CRYZ: variants seen among roughly 807,000 people sequenced by gnomAD.
CRYZ encodes zeta-crystallin.
In CRYZ, 35 loss-of-function variants were observed where a neutral mutation model predicts 34.1. The observed-to-expected ratio is 1.03, with a 90% CI of 0.78 to 1.36. The LOEUF (loss-of-function observed/expected upper bound fraction) is 1.36. Ranked by LOEUF, CRYZ falls within the 40% of genes most tolerant of loss-of-function variation. The pLI is 0.00. For synonymous variants in CRYZ, 137 were observed against 136.5 expected (o/e 1.00, Z -0.03); for missense variants, 403 against 391.8 (o/e 1.03, Z -0.24).
chr1:74,715,285 A>G (rs1222104143), intron 4 of CRYZ, among the ~76,000 whole-genome samples: 1 of 152,200 alleles, frequency 6.6e-6, no homozygotes, highest in Non-Finnish European at 1.5e-5. Context: ...CTTCCAGTTC[A>G]CATGACTACT....
chr1:74,723,013 T>C (rs762976712), intron 3 of CRYZ, 105 bp downstream of exon 3: 52 of 1,134,084 alleles, frequency 4.6e-5, no homozygotes, highest in Non-Finnish European at 6.6e-5. Context: ...AGAAATTGTG[T>C]AATGGGGCCT....
intron 3 of CRYZ, 27 bp from the exon 4 acceptor site, chr1:74,719,399 G>A (rs1260719117): frequency 6.3e-7 from 1 of 1,589,706 alleles, no homozygotes; most frequent in Non-Finnish European, 8.6e-7. Context: ...ATGAATAAAT[G>A]CAGGAAGACT....
rs957950902 is a variant in CRYZ at position 74,724,729 on chromosome 1, C to T, written c.93G>A (p.Pro31=). The change falls in exon 2 of 9, where the codon CCG becomes CCA. Residue 31 remains proline (P), a synonymous_variant. Transcript: ENST00000340866. ...TTTCTACCTGATGGTCTTTTGGAAT[C>T]GGTACTGCAATATCTGATCGCAATT... is the stretch of plus-strand genomic sequence containing the variant. ...VLKLRSDIAV[P]IPKDHQVLIK... is the part of the protein sequence containing the mutation. The T allele has an allele frequency of 1.9e-5, 31 of 1,606,774 alleles. No homozygotes were observed. The highest frequency in any genetic ancestry group is 2.7e-5 in the African/African-American group (2 of 74,590).
At chr1:74,716,254 T>C (rs146829413) in intron 4 of CRYZ, among the ~76,000 whole-genome samples, 27 of 152,046 alleles carry the variant, frequency 1.8e-4, no homozygotes, top group Admixed American at 1.6e-3. Flanking sequence ...GGAATTTATA[T>C]AGAGATAAAT....
chr1:74,719,413 C>T (rs1214068351), intron 3 of CRYZ, 41 bp from the exon 4 acceptor site: 3 of 1,550,772 alleles, frequency 1.9e-6, no homozygotes, highest in African/African-American at 2.7e-5. Flanking sequence ...GAAGACTAAA[C>T]ATATTATGTC....
intron 4 of CRYZ, among the ~76,000 whole-genome samples, chr1:74,714,997 C>A (rs1647052809): frequency 6.6e-6 from 1 of 152,112 alleles, no homozygotes; most frequent in Admixed American, 6.6e-5. Context: ...CAGAAAGGGC[C>A]TCAAAGCAGG....
In CRYZ at chr1:74,706,993, AC is replaced by A. The variant is rs767110333; in HGVS notation, c.733del (p.Val245LeufsTer10). 24 of 1,612,344 alleles carry A rather than the reference AC, an allele frequency of 1.5e-5. No homozygotes were observed. Among genetic ancestry groups the A allele is most frequent in the Non-Finnish European group, 2.0e-5 (24 of 1,178,950 alleles). ...SLLSHGGRVI[V>X]VGSRGTIEIN... ...TTCAATAGTACCTCTGCTGCCAACA[AC>A]CTAACATGAAAAACAGCAATTCTAC... On this transcript the variant is annotated frameshift_variant and splice_region_variant, in exon 8 of 9. Transcript: ENST00000340866. LOFTEE classifies it high-confidence loss of function.
At chr1:74,717,643 T>C (rs1647096201) in intron 4 of CRYZ, among the ~76,000 whole-genome samples, 1 of 152,206 alleles carries the variant, frequency 6.6e-6, no homozygotes, top group African/African-American at 2.4e-5. Flanking sequence ...TTATCTATGT[T>C]TCTCAAATCA....
intron 1 of CRYZ, chr1:74,730,449 A>T (rs1164742736): frequency 1.3e-5 from 2 of 152,218 alleles, no homozygotes; most frequent in Non-Finnish European, 2.9e-5. Context: ...CAAAGAATAA[A>T]ATAACGTGGC....
chr1:74,724,163 T>C (rs1424671), intron 2 of CRYZ, among the ~76,000 whole-genome samples: 59,842 of 152,040 alleles, frequency 0.39, 14,429 homozygotes, highest in Non-Finnish European at 0.55. Flanking sequence ...AGAAATAAAT[T>C]TGTAAAGATA....
At chr1:74,707,472 A>G in intron 6 of CRYZ, 1 of 227,644 alleles carries the variant, frequency 4.4e-6, no homozygotes, top group Non-Finnish European at 8.4e-6. Flanking sequence ...CAGGTGCTAG[A>G]CTCAACTTGA....
At chr1:74,713,029 C>T (rs13375787) in intron 5 of CRYZ, among the ~76,000 whole-genome samples, 19,420 of 151,896 alleles carry the variant, frequency 0.13, 2,513 homozygotes, top group East Asian at 0.64. Context: ...CAAAGGAATT[C>T]GAATTAAATG....
intron 3 of CRYZ, 65 bp from the exon 4 acceptor site, chr1:74,719,437 T>A: frequency 2.1e-6 from 3 of 1,427,422 alleles, no homozygotes; most frequent in Non-Finnish European, 2.9e-6. Context: ...ATAGGTATAA[T>A]CCTTTATAAC....
chr1:74,728,158 A>G (rs1647484780), intron 1 of CRYZ, among the ~76,000 whole-genome samples: 1 of 152,236 alleles, frequency 6.6e-6, no homozygotes, highest in Non-Finnish European at 1.5e-5. Context: ...AGATTTATCA[A>G]TGTCAAAACA....
intron 1 of CRYZ, among the ~76,000 whole-genome samples, chr1:74,731,803 T>C (rs143115430): frequency 7.9e-5 from 12 of 152,328 alleles, no homozygotes; most frequent in African/African-American, 2.9e-4. Flanking sequence ...CTTTAGCCTT[T>C]AGGTTTAATC....
At chr1:74,717,023 C>T (rs72968202) in intron 4 of CRYZ, among the ~76,000 whole-genome samples, 5 of 152,050 alleles carry the variant, frequency 3.3e-5, no homozygotes, top group South Asian at 4.1e-4. Context: ...TGAAAAGTGA[C>T]GCAATCACAC....
chr1:74,729,129 G>T (rs1570026724), intron 1 of CRYZ, among the ~76,000 whole-genome samples: 1 of 89,932 alleles, frequency 1.1e-5, no homozygotes, highest in Admixed American at 1.5e-4. Flanking sequence ...GGTTGTTTTT[G>T]TTTTGTTTTT....
chr1:74,719,684 C>T (rs777763359), intron 3 of CRYZ, among the ~76,000 whole-genome samples: 12 of 151,886 alleles, frequency 7.9e-5, no homozygotes, highest in East Asian at 3.9e-4. Flanking sequence ...TTAGTAGAGA[C>T]GGGGTTTCAC....
intron 1 of CRYZ, among the ~76,000 whole-genome samples, chr1:74,726,010 G>A (rs1029127633): frequency 6.6e-6 from 1 of 152,240 alleles, no homozygotes; most frequent in African/African-American, 2.4e-5. Context: ...CTCTGCCCCT[G>A]TGGCTTTGCA....
Sources: allele counts gnomAD v4.1 joint callset (sites outside exome capture counted in the v4.1 genomes callset), GRCh38; gene constraint gnomAD v4.1.1; transcripts MANE v1.5; gene names NCBI Gene and HGNC (gene_info 2026-07-23, HGNC 2026-07-21).